The following USO1 variants were observed in gnomAD, a reference collection of about 807,000 sequenced individuals.
USO1 encodes USO1 vesicle transport factor.
In USO1, 57 loss-of-function variants were observed where a neutral mutation model predicts 124.5. The observed-to-expected ratio is 0.46, with a 90% CI of 0.37 to 0.57. USO1 has a LOEUF of 0.57. USO1 is among the 20% of genes least tolerant of loss of function. USO1 has a pLI of 0.00. For synonymous variants in USO1, 369 were observed against 362.8 expected (o/e 1.02, Z -0.19); for missense variants, 900 against 1,040.6 (o/e 0.86, Z 1.86).
Position 75,787,702 on chromosome 4 carries a change from T to C in USO1, c.996+500T>C, listed in dbSNP as rs559248027. Among the ~76,000 whole-genome samples, 169 of 152,320 alleles carry C rather than the reference T, an allele frequency of 1.1e-3. 4 individuals are homozygous for C. The South Asian group carries it at 0.024, about 22-fold the overall frequency. ...TCGAAAGTACAAATAATAAAAATTT[T>C]ATAACAAAAATAACTGCCTTCAGCC... is the stretch of plus-strand genomic sequence containing the variant. On this transcript the variant is annotated intron_variant, in intron 10 of 23. Transcript: ENST00000514213.
chr4:75,746,802 A>G (rs1721138815), intron 1 of USO1, among the ~76,000 whole-genome samples: 1 of 152,188 alleles, frequency 6.6e-6, no homozygotes, highest in Non-Finnish European at 1.5e-5. Context: ...TTTGGGGTAT[A>G]GACATATTAC....
At chr4:75,787,701 T>C (rs1722401842) in intron 10 of USO1, among the ~76,000 whole-genome samples, 1 of 152,192 alleles carries the variant, frequency 6.6e-6, no homozygotes, top group African/African-American at 2.4e-5. Flanking sequence ...AATAAAAATT[T>C]TATAACAAAA....
At chr4:75,806,079 C>G (rs1381053354) in intron 19 of USO1, among the ~76,000 whole-genome samples, 4 of 152,124 alleles carry the variant, frequency 2.6e-5, no homozygotes, top group African/African-American at 9.7e-5. Flanking sequence ...GCAACCTCCA[C>G]CTCCCAGGTT....
intron 13 of USO1, among the ~76,000 whole-genome samples, chr4:75,798,874 G>A (rs1350511082): frequency 6.6e-6 from 1 of 151,808 alleles, no homozygotes; most frequent in Non-Finnish European, 1.5e-5. Flanking sequence ...TATAAATATG[G>A]GCACTGTCAA....
intron 1 of USO1, 74 bp downstream of exon 1, chr4:75,724,959 A>C: frequency 6.5e-7 from 1 of 1,539,800 alleles, no homozygotes; most frequent in Non-Finnish European, 8.9e-7. Flanking sequence ...CGGAGACCCG[A>C]AGGTCACCTC....
chr4:75,756,347 G>A (rs903461084), intron 3 of USO1, among the ~76,000 whole-genome samples: 17 of 151,932 alleles, frequency 1.1e-4, no homozygotes, highest in African/African-American at 3.9e-4. Flanking sequence ...TTAGTGTGAT[G>A]ATTATACATA....
At chr4:75,741,598 A>T (rs1577928966) in intron 1 of USO1, among the ~76,000 whole-genome samples, 1 of 123,718 alleles carries the variant, frequency 8.1e-6, no homozygotes, top group African/African-American at 3.0e-5. Context: ...TTTACTTTTT[A>T]AACTTTTTTT....
At chr4:75,802,305 C>T (rs1722872966) in intron 17 of USO1, among the ~76,000 whole-genome samples, 1 of 151,958 alleles carries the variant, frequency 6.6e-6, no homozygotes, top group Non-Finnish European at 1.5e-5. Context: ...AAGATGGAGC[C>T]ATTTCCAGTT....
At chr4:75,801,346 CAG>C (rs1257258795) in intron 17 of USO1, 146 bp downstream of exon 17, 4 of 968,318 alleles carry the variant, frequency 4.1e-6, no homozygotes, top group African/African-American at 3.3e-5. Flanking sequence ...ATTCAACAAA[CAG>C]AGTGCTTAAT....
intron 1 of USO1, among the ~76,000 whole-genome samples, chr4:75,737,244 A>G (rs1296081202): frequency 2.6e-5 from 4 of 152,300 alleles, no homozygotes; most frequent in Admixed American, 1.3e-4. Context: ...AATATTGCCT[A>G]TCTTACTGTT....
chr4:75,760,098 G>A (rs952646399), intron 4 of USO1, among the ~76,000 whole-genome samples: 3 of 151,980 alleles, frequency 2.0e-5, no homozygotes, highest in Non-Finnish European at 4.4e-5. Flanking sequence ...TGTAATCCCA[G>A]CTACTCAGGA....
chr4:75,736,283 T>C (rs1720787527), intron 1 of USO1, among the ~76,000 whole-genome samples: 1 of 150,992 alleles, frequency 6.6e-6, no homozygotes, highest in South Asian at 2.1e-4. Context: ...AATGGTATAC[T>C]GTTTATTGTG....
At chr4:75,787,721 T>C (rs1352966891) in intron 10 of USO1, among the ~76,000 whole-genome samples, 2 of 152,210 alleles carry the variant, frequency 1.3e-5, no homozygotes, top group East Asian at 3.8e-4. Context: ...AATAACTGCC[T>C]TCAGCCTCAA....
At chr4:75,776,815 C>G (rs1339227145) in intron 8 of USO1, among the ~76,000 whole-genome samples, 1 of 152,044 alleles carries the variant, frequency 6.6e-6, no homozygotes, top group Non-Finnish European at 1.5e-5. Context: ...GAGGAAGCCT[C>G]TAATCTGGAG....
intron 12 of USO1, among the ~76,000 whole-genome samples, chr4:75,791,384 C>A (rs182727102): frequency 3.3e-5 from 5 of 152,062 alleles, no homozygotes; most frequent in African/African-American, 1.2e-4. Context: ...ATTAGCTGGG[C>A]GTGGTGGCAG....
At chr4:75,731,609 A>G (rs1245930389) in intron 1 of USO1, among the ~76,000 whole-genome samples, 1 of 152,060 alleles carries the variant, frequency 6.6e-6, no homozygotes, top group Non-Finnish European at 1.5e-5. Context: ...TAATATTTTT[A>G]TTTCATCTAA....
rs966348441 is a variant in USO1 at position 75,787,199 on chromosome 4, T to C, written c.993T>C (p.Thr331=). The stretch of plus-strand genomic sequence containing the variant: ...CTGGGGTTCCTGCTGATATCCTGAC[T>C]GAGGTAAAGCAAATGAAGTCAAAGC... ...MATGVPADIL[T]ETINTVSEVI... The change falls in exon 10 of 24, where the codon ACT becomes ACC. Residue 331 remains threonine (T), a synonymous_variant. Transcript: ENST00000514213. The C allele has an allele frequency of 6.5e-7, 1 of 1,531,090 alleles. No individual in the cohort carries two copies. 94.8% of individuals were successfully genotyped at this position (1,531,090 alleles called of 1,614,324 possible).
chr4:75,795,428 T>C (rs370746494), intron 13 of USO1: 23 of 682,984 alleles, frequency 3.4e-5, no homozygotes, highest in East Asian at 1.6e-4. Context: ...TGGGTTTTGC[T>C]GATTGGTTTT....
intron 1 of USO1, chr4:75,745,485 A>G (rs1721098607): frequency 2.6e-6 from 1 of 381,080 alleles, no homozygotes; most frequent in Non-Finnish European, 5.2e-6. Flanking sequence ...GAGAAAGAGT[A>G]TGGACTTTGG....
Sources: gnomAD v4.1 joint callset for allele counts (sites outside exome capture counted in the v4.1 genomes callset) on GRCh38, gnomAD v4.1.1 for gene constraint, MANE v1.5 for transcripts, NCBI Gene and HGNC (gene_info 2026-07-23, HGNC 2026-07-21) for gene names.